Variants in ADARB2 observed in about 807,000 individuals in gnomAD.
ADARB2 encodes the protein inactive double-stranded RNA-specific editase B2.
In ADARB2, 25 loss-of-function variants were observed where a neutral mutation model predicts 62.2. That is an observed-to-expected ratio of 0.40 (90% confidence interval 0.29 to 0.56). The LOEUF is 0.56. ADARB2 is among the 20% of genes least tolerant of loss of function. ADARB2 has a pLI of 0.43. For missense variants in ADARB2, 1,071 were observed against 1,077.4 expected (o/e 0.99, Z 0.08); for synonymous variants, 572 against 500.8 (o/e 1.14, Z -1.90).
chr10:1,385,354 T>C (rs560079005), intron 1 of ADARB2, among the ~76,000 whole-genome samples: 1 of 152,180 alleles, frequency 6.6e-6, no homozygotes, highest in East Asian at 1.9e-4. Flanking sequence ...GATAAGGACA[T>C]TAAATAGATG....
chr10:1,210,255 T>C (rs1160413233), intron 7 of ADARB2, among the ~76,000 whole-genome samples: 2 of 152,242 alleles, frequency 1.3e-5, no homozygotes, highest in African/African-American at 4.8e-5. Context: ...TACATACAAT[T>C]CTATCCATTT....
chr10:1,281,278 G>T (rs1469263577), intron 3 of ADARB2, among the ~76,000 whole-genome samples: 1 of 152,170 alleles, frequency 6.6e-6, no homozygotes, highest in Non-Finnish European at 1.5e-5. Context: ...GTGCTGGGGG[G>T]TCCCCAGGCC....
chr10:1,700,989 G>A (rs1243407211), intron 1 of ADARB2, among the ~76,000 whole-genome samples: 1 of 4,838 alleles, frequency 2.1e-4, no homozygotes, highest in African/African-American at 2.5e-4. Flanking sequence ...CCACTCCACC[G>A]GGAGACCAGG....
In ADARB2 at chr10:1,242,122, G is replaced by C; in HGVS notation, c.1361+9C>G. 1 of 1,594,316 alleles carries C rather than the reference G, an allele frequency of 6.3e-7. No individual in the cohort carries two copies. Among genetic ancestry groups the C allele is most frequent in the Non-Finnish European group, 8.5e-7 (1 of 1,171,518 alleles). Reference sequence around the variant, plus strand: ...CCGCCTTCCCTGGAGCCCGTCCCCAGCCGCTCACCTCAGGTGCAGCTCCAG... The same window carrying C: ...CCGCCTTCCCTGGAGCCCGTCCCCACCCGCTCACCTCAGGTGCAGCTCCAG... On this transcript the variant is annotated intron_variant, in intron 5 of 9. Transcript: ENST00000381312.
intron 1 of ADARB2, among the ~76,000 whole-genome samples, chr10:1,458,520 C>T (rs1831125731): frequency 6.6e-6 from 1 of 152,152 alleles, no homozygotes; most frequent in African/African-American, 2.4e-5. Context: ...TGACAATGCC[C>T]CTCTTAGCCC....
intron 1 of ADARB2, among the ~76,000 whole-genome samples, chr10:1,595,386 A>G (rs531058598): frequency 6.6e-5 from 10 of 152,328 alleles, no homozygotes; most frequent in South Asian, 2.1e-4. Flanking sequence ...ATCAGACAGT[A>G]TGGTATGGAG....
chr10:1,635,213 A>T (rs1280811593), intron 1 of ADARB2, among the ~76,000 whole-genome samples: 1 of 152,246 alleles, frequency 6.6e-6, no homozygotes, highest in Non-Finnish European at 1.5e-5. Flanking sequence ...GGTTACCTTG[A>T]GAATGATCAC....
At chr10:1,735,973 A>G (rs1438731299) in intron 1 of ADARB2, among the ~76,000 whole-genome samples, 2 of 152,222 alleles carry the variant, frequency 1.3e-5, no homozygotes, top group South Asian at 2.1e-4. Flanking sequence ...TTCTTCAGGA[A>G]AGATGGACAA....
At chr10:1,294,699 A>G (rs1039805779) in intron 3 of ADARB2, among the ~76,000 whole-genome samples, 7 of 152,074 alleles carry the variant, frequency 4.6e-5, no homozygotes, top group African/African-American at 1.4e-4. Context: ...TGCTGAGCTC[A>G]TTATTACACC....
intron 3 of ADARB2, among the ~76,000 whole-genome samples, chr10:1,356,372 T>G (rs563978232): frequency 6.6e-6 from 1 of 152,352 alleles, no homozygotes; most frequent in Non-Finnish European, 1.5e-5. Context: ...GGCAGCCAGC[T>G]GGGGTGGAAG....
rs533488747 is a variant in ADARB2, at chr10:1,540,484, G to A, written c.101-161324C>T. 1.6e-3 allele frequency among the ~76,000 whole-genome samples: 228 copies of A among 145,048 alleles called. 1 individual carries two copies. The highest frequency in any genetic ancestry group is 5.9e-3 in the African/African-American group (221 of 37,426). Reference sequence around the variant, plus strand: ...ACAGCCGCCCAGACCCCACTCAGACGTAGTTCAGACCCTGGATCACAGCCG... The same window carrying A: ...ACAGCCGCCCAGACCCCACTCAGACATAGTTCAGACCCTGGATCACAGCCG... On this transcript the variant is annotated intron_variant, in intron 1 of 9. Transcript: ENST00000381312.
At chr10:1,531,997 G>T (rs75735700) in intron 1 of ADARB2, among the ~76,000 whole-genome samples, 1,808 of 152,282 alleles carry the variant, frequency 0.012, 15 homozygotes, top group Middle Eastern at 0.034. Flanking sequence ...ATCCGGTATT[G>T]TAGGCTGCAA....
intron 3 of ADARB2, among the ~76,000 whole-genome samples, chr10:1,309,823 G>C (rs182377467): frequency 6.6e-6 from 1 of 152,246 alleles, no homozygotes; most frequent in Non-Finnish European, 1.5e-5. Flanking sequence ...CTTCCCATTT[G>C]CTGCTCTCCC....
At chr10:1,596,814 G>A (rs1421568972) in intron 1 of ADARB2, among the ~76,000 whole-genome samples, 1 of 152,182 alleles carries the variant, frequency 6.6e-6, no homozygotes, top group Non-Finnish European at 1.5e-5. Flanking sequence ...GCAAAGCAAG[G>A]GTGTCCCGCA....
chr10:1,704,461 A>G lies in ADARB2; in HGVS notation c.100+32590T>C, dbSNP rs1054849084. 3.3e-5 allele frequency among the ~76,000 whole-genome samples: 5 copies of G among 152,028 alleles called. No homozygotes were observed. Among genetic ancestry groups the G allele is most frequent in the African/African-American group, 1.2e-4 (5 of 41,388 alleles). On this transcript the variant is annotated intron_variant, in intron 1 of 9. Coordinates refer to ENST00000381312, the MANE Select transcript of ADARB2 (RefSeq NM_018702.4). This position sits in a 1 kb window ranked among gnomAD's most constrained non-coding sequence, Gnocchi z 5.6. ...AAGCACAGTTAGCAATAGGATCCCCACTCCTATAGGAATCTAATGCCACTG... is the reference window on the plus strand; with the variant it reads ...AAGCACAGTTAGCAATAGGATCCCCGCTCCTATAGGAATCTAATGCCACTG...
At position 1,363,842 on chromosome 10, in the gene ADARB2, C is replaced by G. The variant is rs200348424; in HGVS notation, c.263G>C (p.Arg88Pro). The G allele has an allele frequency of 3.9e-4, 604 of 1,553,996 alleles. No individual in the cohort carries two copies. The highest frequency in any genetic ancestry group is 5.0e-4 in the Non-Finnish European group (576 of 1,157,218). ...CGCGCCGGGCGCGCCGCCCCGGGCCCGGTCCCCGGAGGGCGGTGGCCGCGC... is the reference window on the plus strand; with the variant it reads ...CGCGCCGGGCGCGCCGCCCCGGGCCGGGTCCCCGGAGGGCGGTGGCCGCGC... ...LAARPPPSGD[R>P]ARGGAPGAKR... Residue 88 changes from arginine to proline, a missense_variant, in exon 3 of 10, where the codon CGG becomes CCG. Coordinates refer to ENST00000381312, the MANE Select transcript of ADARB2 (RefSeq NM_018702.4).
chr10:1,300,911 T>C (rs1448345963), intron 3 of ADARB2, among the ~76,000 whole-genome samples: 1 of 152,288 alleles, frequency 6.6e-6, no homozygotes, highest in East Asian at 1.9e-4. Context: ...CAATATGCAA[T>C]GTAAGATGCT....
At chr10:1,560,408 G>A (rs1364298124) in intron 1 of ADARB2, among the ~76,000 whole-genome samples, 2 of 152,210 alleles carry the variant, frequency 1.3e-5, no homozygotes, top group East Asian at 3.9e-4. Context: ...CAATGACCCT[G>A]GTGCACCCTG....
intron 1 of ADARB2, among the ~76,000 whole-genome samples, chr10:1,616,787 G>T (rs1312830706): frequency 3.3e-5 from 2 of 59,794 alleles, no homozygotes; most frequent in Non-Finnish European, 6.4e-5. Context: ...CTGGGAACTG[G>T]CCTCAGAGGG....
Sources: allele counts gnomAD v4.1 joint callset (sites outside exome capture counted in the v4.1 genomes callset), GRCh38; gene constraint gnomAD v4.1.1; non-coding constraint Gnocchi (gnomAD v3.1); transcripts MANE v1.5; gene names NCBI Gene and HGNC (gene_info 2026-07-23, HGNC 2026-07-21).